MAGI3: variants seen among roughly 807,000 people sequenced by gnomAD.
MAGI3 encodes the protein membrane-associated guanylate kinase, WW and PDZ domain-containing protein 3.
A neutral mutation model predicts 121.8 loss-of-function variants in MAGI3; 43 were observed. That is an observed-to-expected ratio of 0.35 (90% CI 0.28 to 0.46). The LOEUF (loss-of-function observed/expected upper bound fraction) is 0.46. Among genes scored for constraint, MAGI3 ranks in the 20% least tolerant of loss-of-function variants. MAGI3 has a pLI of 1.00. For synonymous variants in MAGI3, 553 were observed against 639.3 expected, an observed-to-expected ratio of 0.86 and a Z score of 2.04; for missense variants, 1,547 against 1,797.3, an observed-to-expected ratio of 0.86 and a Z score of 2.52.
intron 5 of MAGI3, among the ~76,000 whole-genome samples, chr1:113,592,391 G>T (rs915480071): frequency 8.6e-5 from 13 of 152,000 alleles, no homozygotes; most frequent in Non-Finnish European, 2.9e-5. Context: ...GAAAATTTTG[G>T]GTAAAATTTT....
chr1:113,418,146 G>T (rs1196999514), intron 1 of MAGI3, among the ~76,000 whole-genome samples: 1 of 152,022 alleles, frequency 6.6e-6, no homozygotes, highest in African/African-American at 2.4e-5. Context: ...TATTCAGAAA[G>T]CTCAGTGGGA....
At chr1:113,673,025 T>C (rs1312294741) in intron 18 of MAGI3, among the ~76,000 whole-genome samples, 1 of 152,244 alleles carries the variant, frequency 6.6e-6, no homozygotes, top group African/African-American at 2.4e-5. Context: ...GTTACTTGTT[T>C]GTTTCCAGGA....
At chr1:113,596,888 T>C (rs983379162) in intron 6 of MAGI3, among the ~76,000 whole-genome samples, 3 of 152,112 alleles carry the variant, frequency 2.0e-5, no homozygotes, top group Non-Finnish European at 2.9e-5. Context: ...GAAAATGGTA[T>C]AGCCACTTTG....
chr1:113,455,468 C>T (rs970566621), intron 1 of MAGI3, among the ~76,000 whole-genome samples: 4 of 152,040 alleles, frequency 2.6e-5, no homozygotes, highest in Non-Finnish European at 4.4e-5. Context: ...AACTTGTCTT[C>T]CAGTCCTCCC....
At chr1:113,554,902 G>T (rs1469633075) in intron 2 of MAGI3, among the ~76,000 whole-genome samples, 1 of 152,094 alleles carries the variant, frequency 6.6e-6, no homozygotes, top group Non-Finnish European at 1.5e-5. Flanking sequence ...GAGGTGGGAG[G>T]ATCACTTGAG....
At chr1:113,625,285 T>C (rs1651162482) in intron 9 of MAGI3, among the ~76,000 whole-genome samples, 3 of 152,202 alleles carry the variant, frequency 2.0e-5, no homozygotes, top group South Asian at 2.1e-4. Flanking sequence ...AATCTATAGA[T>C]TGGTTTGGGT....
chr1:113,529,392 G>A (rs1218166034), intron 1 of MAGI3, among the ~76,000 whole-genome samples: 1 of 152,200 alleles, frequency 6.6e-6, no homozygotes, highest in Non-Finnish European at 1.5e-5. Context: ...GTTCAAAGAT[G>A]TCCATCTTTT....
intron 9 of MAGI3, among the ~76,000 whole-genome samples, chr1:113,640,520 A>C (rs1652390741): frequency 6.6e-6 from 1 of 152,206 alleles, no homozygotes; most frequent in Non-Finnish European, 1.5e-5. Flanking sequence ...AAAATGTGGT[A>C]TATATACACT....
intron 8 of MAGI3, 118 bp downstream of exon 8, chr1:113,619,948 T>A: frequency 3.1e-6 from 2 of 635,564 alleles, no homozygotes; most frequent in Non-Finnish European, 5.6e-6. Flanking sequence ...GAGTGTCTAG[T>A]TGTTACTGTA....
intron 2 of MAGI3, among the ~76,000 whole-genome samples, chr1:113,566,641 C>A (rs888649506): frequency 1.3e-5 from 2 of 151,980 alleles, no homozygotes; most frequent in Admixed American, 6.6e-5. Context: ...AATTAATTAG[C>A]AGAAAGAAAA....
chr1:113,512,812 A>T (rs1657686388), intron 1 of MAGI3, among the ~76,000 whole-genome samples: 2 of 152,176 alleles, frequency 1.3e-5, no homozygotes, highest in Non-Finnish European at 2.9e-5. Context: ...AGGGTATTCA[A>T]TTAGGAAAAG....
At position 113,422,693 on chromosome 1, in the gene MAGI3, C is replaced by T. The variant is rs1570652855; in HGVS notation, c.316+31344C>T. Among the ~76,000 whole-genome samples the T allele has an allele frequency of 2.0e-5, 3 of 152,212 alleles. No individual in the cohort carries two copies. The highest frequency in any genetic ancestry group is 2.9e-5 in the Non-Finnish European group (2 of 68,036). On this transcript the variant is annotated intron_variant, in intron 1 of 20. Transcript: ENST00000307546. This position sits in a 1 kb window ranked among gnomAD's most constrained non-coding sequence, Gnocchi z 4.3. ...GGGCACTAGTGTCTGGATAAGGGAACGTGGTGGCGCCTGAAAGCTGAGAGA... is the reference window on the plus strand; with the variant it reads ...GGGCACTAGTGTCTGGATAAGGGAATGTGGTGGCGCCTGAAAGCTGAGAGA...
At chr1:113,535,240 AGG>A in intron 1 of MAGI3, among the ~76,000 whole-genome samples, 2 of 152,182 alleles carry the variant, frequency 1.3e-5, no homozygotes, top group East Asian at 3.8e-4. Context: ...TTAAAAGAAT[AGG>A]GGAAAAAACA....
intron 14 of MAGI3, among the ~76,000 whole-genome samples, chr1:113,652,741 G>T (rs1339848623): frequency 6.6e-6 from 1 of 152,094 alleles, no homozygotes; most frequent in Non-Finnish European, 1.5e-5. Flanking sequence ...GGACATGACT[G>T]CAGTGTGTTG....
intron 6 of MAGI3, among the ~76,000 whole-genome samples, chr1:113,599,433 C>T (rs999732010): frequency 3.3e-5 from 5 of 152,190 alleles, no homozygotes; most frequent in Non-Finnish European, 5.9e-5. Flanking sequence ...TCAGAGAATA[C>T]TACGAACACC....
chr1:113,461,240 C>A (rs1655017091), intron 1 of MAGI3, among the ~76,000 whole-genome samples: 1 of 152,054 alleles, frequency 6.6e-6, no homozygotes, highest in African/African-American at 2.4e-5. Flanking sequence ...TAGTTTAAAA[C>A]CCTTACGGAA....
intron 6 of MAGI3, among the ~76,000 whole-genome samples, chr1:113,613,719 C>T (rs1435217044): frequency 1.3e-5 from 2 of 152,120 alleles, no homozygotes; most frequent in African/African-American, 4.8e-5. Flanking sequence ...TGCTCAACTG[C>T]TATATAAAAT....
chr1:113,634,907 A>C lies in MAGI3; in HGVS notation c.1361-7004A>C, dbSNP rs553612424. Among the ~76,000 whole-genome samples, 20 of 151,906 alleles carry C rather than the reference A, an allele frequency of 1.3e-4. No individual in the cohort carries two copies. The East Asian group carries it at 3.5e-3, about 26-fold the overall frequency. The stretch of plus-strand genomic sequence containing the variant: ...ATTTCTTTGTATCCTCTTTTATTTC[A>C]TTGAGCAGTGGTTTGTAGTTCTCCT... On this transcript the variant is annotated intron_variant, in intron 9 of 20. Coordinates refer to ENST00000307546, the MANE Select transcript of MAGI3 (RefSeq NM_001142782.2).
intron 6 of MAGI3, among the ~76,000 whole-genome samples, chr1:113,603,645 A>C (rs916031871): frequency 2.0e-5 from 3 of 152,098 alleles, no homozygotes; most frequent in Non-Finnish European, 4.4e-5. Context: ...CTAATTAAAC[A>C]AAAAAGCTTC....
Sources: allele counts gnomAD v4.1 joint callset (sites outside exome capture counted in the v4.1 genomes callset), GRCh38; gene constraint gnomAD v4.1.1; non-coding constraint Gnocchi (gnomAD v3.1); transcripts MANE v1.5; gene names NCBI Gene and HGNC (gene_info 2026-07-23, HGNC 2026-07-21).